NEK8: variants seen among roughly 807,000 people sequenced by gnomAD.
NEK8 encodes NIMA related kinase 8.
A neutral mutation model predicts 77.2 loss-of-function variants in NEK8; 51 were observed. The observed-to-expected ratio is 0.66, with a 90% confidence interval of 0.53 to 0.83. NEK8 has a LOEUF of 0.83. Among genes scored for constraint, NEK8 ranks in the 40% least tolerant of loss-of-function variants. NEK8 has a pLI of 0.00. For missense variants in NEK8, 787 were observed against 909.2 expected (o/e 0.87, Z 1.73); for synonymous variants, 365 against 363.2 (o/e 1.00, Z -0.06).
intron 8 of NEK8, among the ~76,000 whole-genome samples, 188 bp from the exon 9 acceptor site, chr17:28,738,483 A>C (rs2034389236): frequency 6.6e-6 from 1 of 152,196 alleles, no homozygotes; most frequent in African/African-American, 2.4e-5. Context: ...TAAGGCTCAG[A>C]GAGGGTGTCA....
At chr17:28,728,933 G>A (rs1221273236) in intron 1 of NEK8, 73 bp downstream of exon 1, 2 of 1,351,752 alleles carry the variant, frequency 1.5e-6, no homozygotes, top group Non-Finnish European at 2.1e-6. Context: ...CCGCGAAGTC[G>A]CCGCCCGCCT....
At chr17:28,739,699 A>G (rs1255186723) in intron 10 of NEK8, among the ~76,000 whole-genome samples, 2 of 152,100 alleles carry the variant, frequency 1.3e-5, no homozygotes, top group African/African-American at 4.8e-5. Context: ...CACATGCCTC[A>G]GCCTCCCAAA....
rs973076682 is a variant in NEK8, at chr17:28,741,806, T to C, written c.2051-153T>C. Among the ~76,000 whole-genome samples, 2 of 152,186 alleles carry C rather than the reference T, an allele frequency of 1.3e-5. No individual in the cohort carries two copies. Among genetic ancestry groups the C allele is most frequent in the Admixed American group, 1.3e-4 (2 of 15,274 alleles). ...TGCTCCCCAGGGCTCACATGCATTC[T>C]TTCTCCTACTGCTGAGTCCCGTTGA... On this transcript the variant is annotated intron_variant, in intron 14 of 14. Transcript: ENST00000268766. The surrounding 1 kb of genome is among the most constrained non-coding windows in gnomAD (Gnocchi z 4.5).
At position 28,738,152 on chromosome 17, in the gene NEK8, C is replaced by T; in HGVS notation, c.1129C>T (p.Gln377Ter). Reference sequence around the variant, plus strand: ...CCTTCCTGGGGCAGTGGAGCAGCCACAGCCCCAGTTCATCTCGCGTTTCCT... The same window carrying T: ...CCTTCCTGGGGCAGTGGAGCAGCCATAGCCCCAGTTCATCTCGCGTTTCCT... The part of the protein sequence containing the change: ...SLLPGAVEQP[Q>*]PQFISRFLEG... The change falls in exon 8 of 15, where the codon CAG (glutamine) becomes TAG (stop). Residue 377 changes from glutamine (Q) to a stop codon, truncating the protein, a stop_gained. Transcript: ENST00000268766. LOFTEE classifies it high-confidence loss of function. The T allele has an allele frequency of 6.2e-7, 1 of 1,614,136 alleles. No homozygotes were observed. The highest frequency in any genetic ancestry group is 1.1e-5 in the South Asian group (1 of 91,082).
At chr17:28,732,555 T>TC (rs1308607042) in intron 1 of NEK8, among the ~76,000 whole-genome samples, 4 of 137,084 alleles carry the variant, frequency 2.9e-5, no homozygotes, top group Non-Finnish European at 3.2e-5. Flanking sequence ...CTTTTTTTTT[T>TC]TTTTTTTTTT....
chr17:28,742,049 T>C lies in NEK8; in HGVS notation c.*62T>C. The C allele has an allele frequency of 6.6e-7, 1 of 1,511,958 alleles. No individual in the cohort carries two copies. The highest frequency in any genetic ancestry group is 9.2e-7 in the Non-Finnish European group (1 of 1,086,728). The allele number at this position is 1,511,958 out of a possible 1,614,324, so 93.7% of individuals were successfully genotyped here. A position where few individuals can be genotyped will look rare whatever the true frequency, so the allele number is the denominator to read the frequency against. The stretch of plus-strand genomic sequence containing the variant: ...CTTCTCCTCTGAATGCTCTGAAAAG[T>C]GCAGGTGCCCAAGGCATGACTTGCA... On this transcript the variant is annotated 3_prime_UTR_variant, in exon 15 of 15. Transcript: ENST00000268766.
At position 28,734,808 on chromosome 17, in the gene NEK8, A is replaced by G; in HGVS notation, c.290A>G (p.Asn97Ser). ...TLAEFIQKRC[N>S]SLLEEETILH... ...GCTGAGTTCATCCAAAAGCGCTGTAATTCCCTGCTGGAGGAGGAGACCATC... is the reference window on the plus strand; with the variant it reads ...GCTGAGTTCATCCAAAAGCGCTGTAGTTCCCTGCTGGAGGAGGAGACCATC... The change falls in exon 3 of 15, where the codon AAT becomes AGT. Residue 97 changes from asparagine to serine, a missense_variant. By Grantham distance (46) the Asn-to-Ser change is conservative. Around this residue, in one of 2 missense-constraint regions of NEK8, gnomAD observed 271 missense variants for 365.1 expected, o/e 0.74. Coordinates refer to ENST00000268766, the MANE Select transcript of NEK8 (RefSeq NM_178170.3). 1 of 1,613,830 alleles carries G rather than the reference A, an allele frequency of 6.2e-7. No individual in the cohort carries two copies. The highest frequency in any genetic ancestry group is 8.5e-7 in the Non-Finnish European group (1 of 1,180,016).
chr17:28,737,469 C>T lies in NEK8; in HGVS notation c.782C>T (p.Ala261Val). The change falls in exon 5 of 15, where the codon GCC (alanine) becomes GTC (valine). Residue 261 changes from alanine (A) to valine (V), a missense_variant. Physicochemically the swap from Ala to Val is moderately conservative, Grantham distance 64. This residue lies in a region of NEK8 where 271 missense variants were observed against 365.1 expected (regional missense o/e 0.74). Coordinates refer to ENST00000268766, the MANE Select transcript of NEK8 (RefSeq NM_178170.3). This position sits in a 1 kb window ranked among gnomAD's most constrained non-coding sequence, Gnocchi z 4.8. Reference protein sequence around the residue: ...HIMAQPLCIRALLNLHTDVGS... With the variant: ...HIMAQPLCIRVLLNLHTDVGS... ...ATGGCACAGCCCCTCTGCATCCGTG[C>T]CCTCCTCAACCTCCACACCGACGTG... 1 of 1,613,022 alleles carries T rather than the reference C, an allele frequency of 6.2e-7. No homozygotes were observed. Among genetic ancestry groups the T allele is most frequent in the Non-Finnish European group, 8.5e-7 (1 of 1,180,012 alleles).
chr17:28,741,814 A>T lies in NEK8; in HGVS notation c.2051-145A>T. 1.0e-6 allele frequency: 1 copy of T among 963,236 alleles called. No homozygotes were observed. Among genetic ancestry groups the T allele is most frequent in the Non-Finnish European group, 1.7e-6 (1 of 598,592 alleles). The allele number at this position is 963,236 out of a possible 1,614,324, so 59.7% of individuals were successfully genotyped here. A position where few individuals can be genotyped will look rare whatever the true frequency, so the allele number is the denominator to read the frequency against. On this transcript the variant is annotated intron_variant, in intron 14 of 14. Coordinates refer to ENST00000268766, the MANE Select transcript of NEK8 (RefSeq NM_178170.3). This position sits in a 1 kb window ranked among gnomAD's most constrained non-coding sequence, Gnocchi z 4.5. ...AGGGCTCACATGCATTCTTTCTCCT[A>T]CTGCTGAGTCCCGTTGATGCTGAAA...
At chr17:28,728,921 G>A in intron 1 of NEK8, 61 bp downstream of exon 1, 1 of 1,437,934 alleles carries the variant, frequency 7.0e-7, no homozygotes, top group Non-Finnish European at 9.6e-7. Flanking sequence ...CCCCAATTCC[G>A]CCCGCGAAGT....
rs2034371609 is a variant in NEK8, at chr17:28,737,031, C to A, written c.619-275C>A. Among the ~76,000 whole-genome samples the A allele has an allele frequency of 6.6e-6, 1 of 152,210 alleles. No individual in the cohort carries two copies. The highest frequency in any genetic ancestry group is 2.1e-4 in the South Asian group (1 of 4,832). The stretch of plus-strand genomic sequence containing the variant: ...AGCACCATTTATTAAATAGGGAATC[C>A]TTTCCCCATTTCTTGTTTTTCTCAG... On this transcript the variant is annotated intron_variant, in intron 4 of 14. Transcript: ENST00000268766. This position sits in a 1 kb window ranked among gnomAD's most constrained non-coding sequence, Gnocchi z 4.8.
At position 28,737,563 on chromosome 17, in the gene NEK8, C is replaced by T; in HGVS notation, c.827+49C>T. The T allele has an allele frequency of 5.0e-6, 8 of 1,612,910 alleles. No homozygotes were observed. Among genetic ancestry groups the T allele is most frequent in the Non-Finnish European group, 5.9e-6 (7 of 1,179,486 alleles). On this transcript the variant is annotated intron_variant, in intron 5 of 14. Coordinates refer to ENST00000268766, the MANE Select transcript of NEK8 (RefSeq NM_178170.3). The surrounding 1 kb of genome is among the most constrained non-coding windows in gnomAD (Gnocchi z 4.8). ...TCCTGGGCGGCAGGGTGTGGGCACC[C>T]AGTGGGAGCACAGGAGGTCTGAGGC...
In NEK8 at chr17:28,738,728, G is replaced by A. The variant is rs772733940; in HGVS notation, c.1280G>A (p.Ser427Asn). The A allele has an allele frequency of 8.1e-6, 13 of 1,613,800 alleles. No homozygotes were observed. In the East Asian group the frequency reaches 2.9e-4, roughly 36 times the overall value. ...SGSNGCLGHG[S>N]LTDISQPTIV... The stretch of plus-strand genomic sequence containing the variant: ...AGCAATGGGTGCCTAGGCCATGGCA[G>A]CCTCACTGACATCAGCCAGGTGGGT... Residue 427 changes from serine to asparagine, a missense_variant, in exon 9 of 15, where the codon AGC (serine) becomes AAC (asparagine). By Grantham distance (46) the Ser-to-Asn change is conservative. Coordinates refer to ENST00000268766, the MANE Select transcript of NEK8 (RefSeq NM_178170.3).
intron 10 of NEK8, among the ~76,000 whole-genome samples, chr17:28,739,710 G>C (rs1199642938): frequency 6.6e-6 from 1 of 152,116 alleles, no homozygotes; most frequent in East Asian, 1.9e-4. Flanking sequence ...GCCTCCCAAA[G>C]TGCTGGGATT....
Position 28,735,301 on chromosome 17 carries a change from A to G in NEK8, c.548A>G (p.Lys183Arg), listed in dbSNP as rs2034352546. 1 of 1,613,978 alleles carries G rather than the reference A, an allele frequency of 6.2e-7. No homozygotes were observed. Among genetic ancestry groups the G allele is most frequent in the African/African-American group, 1.3e-5 (1 of 74,938 alleles). ...ELCEGKPYNQ[K>R]SDIWALGCVL... is the part of the protein sequence containing the mutation. Reference sequence around the variant, plus strand: ...TGTGAGGGCAAGCCCTACAACCAGAAGAGTGACATCTGGGCCCTGGGCTGT... The same window carrying G: ...TGTGAGGGCAAGCCCTACAACCAGAGGAGTGACATCTGGGCCCTGGGCTGT... Residue 183 changes from lysine to arginine, a missense_variant, in exon 4 of 15, where the codon AAG (lysine) becomes AGG (arginine). Physicochemically the swap from Lys to Arg is conservative, Grantham distance 26 (BLOSUM62 2). Transcript: ENST00000268766.
Position 28,741,517 on chromosome 17 carries a change from T to TA in NEK8, c.1997dup (p.Tyr666Ter), listed in dbSNP as rs1226393603. The TA allele has an allele frequency of 1.9e-6, 3 of 1,613,994 alleles. No homozygotes were observed. Among genetic ancestry groups the TA allele is most frequent in the Admixed American group, 1.7e-5 (1 of 60,004 alleles). The change falls in exon 14 of 15, where the codon TAC (tyrosine) becomes TAAC (stop). Residue 666 changes from tyrosine (Y) to a stop codon, truncating the protein, a stop_gained and frameshift_variant. Transcript: ENST00000268766. LOFTEE classifies it high-confidence loss of function. The surrounding 1 kb of genome is among the most constrained non-coding windows in gnomAD (Gnocchi z 4.5). ...AGTGCAGTTGGATGAGACACACCCTTACACGGTGACTTCCGTGTCCTGTTG... is the reference window on the plus strand; with the variant it reads ...AGTGCAGTTGGATGAGACACACCCTTAACACGGTGACTTCCGTGTCCTGTTG... ...RPVQLDETHP[Y>*]TVTSVSCCHG...
At position 28,743,146 on chromosome 17, in the gene NEK8, G is replaced by C. The variant is rs1405631664; in HGVS notation, c.*1159G>C. On this transcript the variant is annotated 3_prime_UTR_variant, in exon 15 of 15. Transcript: ENST00000268766. ...GACTCTATCTCCATACTTTGGAGCAGGGCAAGCCAGGGCCTGCCTGGACTG... is the reference window on the plus strand; with the variant it reads ...GACTCTATCTCCATACTTTGGAGCACGGCAAGCCAGGGCCTGCCTGGACTG... 1 of 151,300 alleles carries C rather than the reference G, an allele frequency of 6.6e-6. No homozygotes were observed. The highest frequency in any genetic ancestry group is 1.5e-5 in the Non-Finnish European group (1 of 68,000). 9.4% of individuals were successfully genotyped at this position (151,300 alleles called of 1,614,324 possible).
At chr17:28,732,545 CTTTTTTTTTTTTTTTT>C (rs1054257308) in intron 1 of NEK8, among the ~76,000 whole-genome samples, 3 of 77,912 alleles carry the variant, frequency 3.9e-5, no homozygotes, top group Non-Finnish European at 7.0e-5. Context: ...TTTTTCTTTT[CTTTTTTTTTTTTTTTT>C]TTTTTTTTGA....
Position 28,737,850 on chromosome 17 carries a change from C to T in NEK8, c.921C>T (p.Ile307=). 1.2e-6 allele frequency: 2 copies of T among 1,613,956 alleles called. No individual in the cohort carries two copies. Among genetic ancestry groups the T allele is most frequent in the Non-Finnish European group, 1.7e-6 (2 of 1,180,014 alleles). Residue 307 remains isoleucine (I), a synonymous_variant, in exon 7 of 15, where the codon ATC becomes ATT. Coordinates refer to ENST00000268766, the MANE Select transcript of NEK8 (RefSeq NM_178170.3). This position sits in a 1 kb window ranked among gnomAD's most constrained non-coding sequence, Gnocchi z 4.8. ...CCCGGGGACCTGTGAGGCCAGCCAT[C>T]CCACCACCACTGTCGTCAGTGTATG... ...GIPRGPVRPA[I]PPPLSSVYAW...
Sources: allele counts gnomAD v4.1 joint callset (sites outside exome capture counted in the v4.1 genomes callset), GRCh38; gene constraint gnomAD v4.1.1; regional missense constraint gnomAD v4.1.1; non-coding constraint Gnocchi (gnomAD v3.1); transcripts MANE v1.5; gene names NCBI Gene and HGNC (gene_info 2026-07-23, HGNC 2026-07-21).